Variants in ADCY10 observed in about 807,000 individuals in gnomAD.
ADCY10 encodes adenylate cyclase 10.
Under a neutral mutation model 183.3 loss-of-function variants are expected in ADCY10, and 156 were observed. The ratio of observed to expected loss-of-function variants is 0.85; its 90% CI spans 0.75 to 0.97. The LOEUF (loss-of-function observed/expected upper bound fraction) is 0.97. ADCY10 is among the 50% of genes least tolerant of loss of function. The pLI is 0.00. For missense variants in ADCY10, 1,745 were observed against 1,934.3 expected, an observed-to-expected ratio of 0.90 and a Z score of 1.84; for synonymous variants, 645 against 670.0, an observed-to-expected ratio of 0.96 and a Z score of 0.58.
chr1:167,881,485 G>C (rs77080327), intron 9 of ADCY10, among the ~76,000 whole-genome samples: 1,530 of 152,286 alleles, frequency 0.01, 24 homozygotes, highest in African/African-American at 0.034. Flanking sequence ...ACATGAAGGG[G>C]GAAACACTGC....
chr1:167,866,750 TAAAA>T (rs368735411), intron 14 of ADCY10, among the ~76,000 whole-genome samples: 2 of 123,096 alleles, frequency 1.6e-5, no homozygotes, highest in Non-Finnish European at 1.8e-5. Flanking sequence ...AAAGTTCACT[TAAAA>T]AAAAAAAAAA....
At chr1:167,870,557 C>T in intron 13 of ADCY10, 147 bp from the exon 14 acceptor site, 2 of 678,802 alleles carry the variant, frequency 2.9e-6, no homozygotes, top group South Asian at 1.8e-5. Flanking sequence ...CTTTGGGAGG[C>T]CGAGGTGGGC....
chr1:167,846,223 G>A lies in ADCY10; in HGVS notation c.2478C>T (p.His826=). Residue 826 remains histidine, a synonymous_variant, in exon 20 of 33, where the codon CAC becomes CAT. Coordinates refer to ENST00000367851, the MANE Select transcript of ADCY10 (RefSeq NM_018417.6). ...LIQLDSMRLS[H]QMLVRCAAII... is the part of the protein sequence containing the mutation. ...TGGCAGCACATCTCACCAGCATTTG[G>A]TGGGAAAGTCTCATGCTATCCAGCT... 6.2e-7 allele frequency: 1 copy of A among 1,614,202 alleles called. No homozygotes were observed. The highest frequency in any genetic ancestry group is 8.5e-7 in the Non-Finnish European group (1 of 1,180,028).
chr1:167,896,569 G>A (rs1450264574), intron 7 of ADCY10, 26 bp downstream of exon 7: 4 of 1,562,482 alleles, frequency 2.6e-6, no homozygotes, highest in Non-Finnish European at 3.5e-6. Context: ...TAGAGGCAAA[G>A]GCATTTTTCC....
At chr1:167,885,458 CCTGT>C (rs1250497866) in intron 8 of ADCY10, among the ~76,000 whole-genome samples, 1 of 152,122 alleles carries the variant, frequency 6.6e-6, no homozygotes, top group East Asian at 1.9e-4. Context: ...TTTGTTATTG[CCTGT>C]CTTTTGGATA....
At chr1:167,821,132 T>G (rs1224893130) in intron 30 of ADCY10, 1 of 152,244 alleles carries the variant, frequency 6.6e-6, no homozygotes, top group African/African-American at 2.4e-5. Flanking sequence ...TGGAAATAAT[T>G]TAATGAATGT....
At chr1:167,847,284 G>T (rs958468994) in intron 19 of ADCY10, among the ~76,000 whole-genome samples, 1 of 152,182 alleles carries the variant, frequency 6.6e-6, no homozygotes, top group Non-Finnish European at 1.5e-5. Flanking sequence ...TGAGGACCTT[G>T]AGATGTCCCT....
At chr1:167,843,919 A>G (rs1183626702) in intron 21 of ADCY10, among the ~76,000 whole-genome samples, 1 of 152,068 alleles carries the variant, frequency 6.6e-6, no homozygotes, top group African/African-American at 2.4e-5. Context: ...GACCCTCTAC[A>G]TCCTCTTCCT....
rs201909305 is a variant in ADCY10, at chr1:167,848,344, C to T, written c.2437+17G>A. The T allele has an allele frequency of 5.3e-5, 85 of 1,611,790 alleles. No homozygotes were observed. Among genetic ancestry groups the T allele is most frequent in the African/African-American group, 3.7e-4 (28 of 74,984 alleles). ...GATTACAGGCGTGAGCCACTGCGCC[C>T]GGCCAGATTTTCTTACCTTTTAATG... is the stretch of plus-strand genomic sequence containing the variant. On this transcript the variant is annotated intron_variant, in intron 19 of 32. Transcript: ENST00000367851.
rs1240521005 is a variant in ADCY10 at position 167,901,617 on chromosome 1, C to T, written c.436+45G>A. On this transcript the variant is annotated intron_variant, in intron 5 of 32. Transcript: ENST00000367851. Reference sequence around the variant, plus strand: ...GAGAGAGATGCCCCAGGAGTCAAGACCCTATCCCAGCTGCCGTAGGATTTA... The same window carrying T: ...GAGAGAGATGCCCCAGGAGTCAAGATCCTATCCCAGCTGCCGTAGGATTTA... The T allele has an allele frequency of 2.5e-6, 4 of 1,595,996 alleles. No homozygotes were observed. In the East Asian group the frequency reaches 8.9e-5, roughly 36 times the overall value.
At chr1:167,814,769 C>A (rs1662423391) in intron 31 of ADCY10, among the ~76,000 whole-genome samples, 1 of 152,074 alleles carries the variant, frequency 6.6e-6, no homozygotes, top group Admixed American at 6.6e-5. Flanking sequence ...TTTCATACCA[C>A]TGAACTGCAT....
intron 31 of ADCY10, among the ~76,000 whole-genome samples, chr1:167,812,938 A>G (rs1662310594): frequency 6.6e-6 from 1 of 152,184 alleles, no homozygotes; most frequent in Non-Finnish European, 1.5e-5. Flanking sequence ...AAGACAATGG[A>G]AATTATTGAG....
chr1:167,820,296 G>C (rs924570794), intron 30 of ADCY10: 2 of 1,298,742 alleles, frequency 1.5e-6, no homozygotes, highest in Non-Finnish European at 2.1e-6. Context: ...CGGCCGCCTA[G>C]CCAAGTCTCT....
chr1:167,872,800 A>G (rs966287026), intron 13 of ADCY10, among the ~76,000 whole-genome samples: 58 of 150,118 alleles, frequency 3.9e-4, no homozygotes, highest in African/African-American at 1.4e-3. Context: ...GGCTGCACGC[A>G]GTGGCTCACG....
chr1:167,904,952 GTTGCTCA>G (rs746542004), intron 2 of ADCY10, 34 bp downstream of exon 2: 14 of 1,613,888 alleles, frequency 8.7e-6, no homozygotes, highest in Admixed American at 1.7e-5. Flanking sequence ...ACGCGAGCCT[GTTGCTCA>G]TCCACATTAA....
intron 12 of ADCY10, among the ~76,000 whole-genome samples, chr1:167,876,549 T>C (rs6427113): frequency 0.15 from 22,471 of 152,230 alleles, 1,953 homozygotes; most frequent in Middle Eastern, 0.24. Flanking sequence ...AGTTTGTGTA[T>C]GTTGGTCTTC....
chr1:167,846,035 G>T lies in ADCY10; in HGVS notation c.2666C>A (p.Ser889Ter), dbSNP rs1020791227. 6.2e-7 allele frequency: 1 copy of T among 1,614,226 alleles called. No homozygotes were observed. The highest frequency in any genetic ancestry group is 8.5e-7 in the Non-Finnish European group (1 of 1,180,040). Residue 889 changes from serine to a stop codon, truncating the protein, a stop_gained, in exon 20 of 33, where the codon TCA (serine) becomes TAA (stop). Coordinates refer to ENST00000367851, the MANE Select transcript of ADCY10 (RefSeq NM_018417.6). LOFTEE classifies it high-confidence loss of function. ...LQKALKQNDP[S>*]FEVHYRSLSL... ...CAAGGAACGATAGTGCACCTCAAAT[G>T]AGGGATCATTCTGTTTCAGGGCCTT...
chr1:167,814,424 T>G lies in ADCY10; in HGVS notation c.4483-3511A>C, dbSNP rs1662394363. 2.6e-5 allele frequency among the ~76,000 whole-genome samples: 4 copies of G among 151,586 alleles called. No homozygotes were observed. In the South Asian group the frequency reaches 8.3e-4, roughly 31 times the overall value. On this transcript the variant is annotated intron_variant, in intron 31 of 32. Transcript: ENST00000367851. The stretch of plus-strand genomic sequence containing the variant: ...AATACAGCAAAATATATATAACAAT[T>G]ATAAACATTTGTTTTATAATTATAT...
chr1:167,835,028 C>T (rs2902466), intron 23 of ADCY10, among the ~76,000 whole-genome samples: 31,150 of 152,082 alleles, frequency 0.2, 3,288 homozygotes, highest in Middle Eastern at 0.26. Flanking sequence ...ACATTTTTAA[C>T]AGTTTAATTT....
Sources: allele counts gnomAD v4.1 joint callset (sites outside exome capture counted in the v4.1 genomes callset), GRCh38; gene constraint gnomAD v4.1.1; transcripts MANE v1.5; gene names NCBI Gene and HGNC (gene_info 2026-07-23, HGNC 2026-07-21).